The following KALRN variants were observed in gnomAD, a reference collection of about 807,000 sequenced individuals.
The protein encoded by KALRN is kalirin RhoGEF kinase.
A neutral mutation model predicts 353.7 loss-of-function variants in KALRN; 70 were observed. The observed-to-expected ratio is 0.20, with a 90% CI of 0.16 to 0.24. The LOEUF (loss-of-function observed/expected upper bound fraction) is 0.24. Ranked by LOEUF, KALRN falls within the 10% of genes least tolerant of loss-of-function variation. The probability of loss-of-function intolerance (pLI) is 1.00; values close to 1 mark genes in which losing one functional copy is unlikely to be tolerated. For synonymous variants in KALRN, 1,391 were observed against 1,434.8 expected, an observed-to-expected ratio of 0.97 and a Z score of 0.69; for missense variants, 2,791 against 3,756.7, an observed-to-expected ratio of 0.74 and a Z score of 6.72.
chr3:124,666,332 G>T, intron 45 of KALRN, 117 bp from the exon 46 acceptor site: 4 of 916,586 alleles, frequency 4.4e-6, no homozygotes, highest in Non-Finnish European at 6.7e-6. Context: ...GAGCCCTGAG[G>T]CTTTTGTTGT....
intron 34 of KALRN, among the ~76,000 whole-genome samples, chr3:124,624,549 G>T (rs555201007): frequency 6.6e-6 from 1 of 152,312 alleles, no homozygotes; most frequent in Non-Finnish European, 1.5e-5. Context: ...TCATGGAGTT[G>T]TTGCCCCAAG....
chr3:124,099,610 A>G (rs542613112), intron 1 of KALRN, among the ~76,000 whole-genome samples: 16 of 152,232 alleles, frequency 1.1e-4, no homozygotes, highest in Non-Finnish European at 2.1e-4. Flanking sequence ...TAGTAGTTCT[A>G]TTTTTAGTTT....
intron 14 of KALRN, among the ~76,000 whole-genome samples, chr3:124,419,907 A>T (rs1223819092): frequency 6.6e-6 from 1 of 152,242 alleles, no homozygotes; most frequent in Admixed American, 6.5e-5. Flanking sequence ...AGAGCAGTAA[A>T]GTCAACACAA....
chr3:124,657,982 C>T (rs1185556578), intron 41 of KALRN, among the ~76,000 whole-genome samples, 179 bp downstream of exon 41: 1 of 152,088 alleles, frequency 6.6e-6, no homozygotes, highest in African/African-American at 2.4e-5. Context: ...GTGAGGCCCC[C>T]ATCTCTACGA....
At chr3:124,077,598 G>T (rs2060319622) in intron 1 of KALRN, among the ~76,000 whole-genome samples, 1 of 152,150 alleles carries the variant, frequency 6.6e-6, no homozygotes, top group African/African-American at 2.4e-5. Context: ...GAACTTCTCA[G>T]CTCTGAATCC....
intron 56 of KALRN, among the ~76,000 whole-genome samples, chr3:124,701,775 C>T (rs1239570595): frequency 6.6e-6 from 1 of 152,008 alleles, no homozygotes; most frequent in Admixed American, 6.6e-5. Context: ...TATAAAATAT[C>T]CATAAGTCAT....
At chr3:124,525,506 A>G (rs1158327449) in intron 33 of KALRN, among the ~76,000 whole-genome samples, 2 of 152,136 alleles carry the variant, frequency 1.3e-5, no homozygotes, top group African/African-American at 4.8e-5. Flanking sequence ...ATGTAGAAAG[A>G]GAGTTTAGAT....
chr3:124,610,634 T>G (rs1578326231), intron 34 of KALRN, among the ~76,000 whole-genome samples: 1 of 146,626 alleles, frequency 6.8e-6, no homozygotes, highest in African/African-American at 2.6e-5. Flanking sequence ...TAACTAACCC[T>G]GGGGGGGGCG....
intron 1 of KALRN, among the ~76,000 whole-genome samples, chr3:124,118,749 C>A (rs891555511): frequency 6.6e-6 from 1 of 152,186 alleles, no homozygotes; most frequent in Non-Finnish European, 1.5e-5. Flanking sequence ...TTATTATATA[C>A]CAGATTTGTT....
chr3:124,369,749 G>T (rs1021683265), intron 10 of KALRN, among the ~76,000 whole-genome samples: 1 of 81,838 alleles, frequency 1.2e-5, no homozygotes, highest in Admixed American at 1.5e-4. Context: ...CAACTCCCCC[G>T]CCTCAAGACC....
chr3:124,568,992 G>C (rs2073193238), intron 34 of KALRN, among the ~76,000 whole-genome samples: 1 of 152,204 alleles, frequency 6.6e-6, no homozygotes, highest in African/African-American at 2.4e-5. Context: ...CTTTTAAAAA[G>C]TATTGGTCCT....
chr3:124,289,701 A>G (rs913075958), intron 5 of KALRN, among the ~76,000 whole-genome samples: 5 of 152,214 alleles, frequency 3.3e-5, no homozygotes, highest in African/African-American at 1.2e-4. Flanking sequence ...AGTCCAATTT[A>G]TCTTCATCAC....
intron 23 of KALRN, 36 bp from the exon 24 acceptor site, chr3:124,461,848 TTATATC>T (rs760225582): frequency 9.8e-6 from 14 of 1,434,278 alleles, no homozygotes; most frequent in South Asian, 9.2e-5. Flanking sequence ...AGGAGAGACA[TTATATC>T]TATATCCAAG....
chr3:124,120,352 A>G (rs905132550), intron 1 of KALRN, among the ~76,000 whole-genome samples: 3 of 152,136 alleles, frequency 2.0e-5, no homozygotes, highest in Non-Finnish European at 4.4e-5. Flanking sequence ...TCTTCTTGCA[A>G]TCCACAGGTG....
intron 33 of KALRN, among the ~76,000 whole-genome samples, chr3:124,522,283 A>G (rs528264517): frequency 6.6e-6 from 1 of 152,040 alleles, no homozygotes; most frequent in South Asian, 2.1e-4. Context: ...ATCATTATAT[A>G]TATACATATG....
chr3:124,642,055 G>A (rs142919407), intron 37 of KALRN, among the ~76,000 whole-genome samples: 1 of 152,270 alleles, frequency 6.6e-6, no homozygotes, highest in African/African-American at 2.4e-5. Context: ...GCCAAAGCGG[G>A]CAGATTGCCT....
intron 4 of KALRN, 34 bp from the exon 5 acceptor site, chr3:124,268,709 A>T: frequency 6.2e-7 from 1 of 1,606,230 alleles, no homozygotes. Context: ...CCCTGACATC[A>T]CTGAGTATCC....
intron 4 of KALRN, among the ~76,000 whole-genome samples, chr3:124,266,975 G>A (rs530080121): frequency 1.3e-5 from 2 of 152,286 alleles, no homozygotes; most frequent in African/African-American, 4.8e-5. Flanking sequence ...TGGCCTGCAT[G>A]TCCCATCTCT....
chr3:124,424,481 A>G (rs1045140207), intron 15 of KALRN, among the ~76,000 whole-genome samples: 6 of 152,122 alleles, frequency 3.9e-5, no homozygotes, highest in African/African-American at 1.4e-4. Flanking sequence ...TTATAATGAA[A>G]AAAACACTGT....
Sources: allele counts gnomAD v4.1 joint callset (sites outside exome capture counted in the v4.1 genomes callset), GRCh38; gene constraint gnomAD v4.1.1; transcripts MANE v1.5; gene names NCBI Gene and HGNC (gene_info 2026-07-23, HGNC 2026-07-21).